MICU2: variants seen among roughly 807,000 people sequenced by gnomAD.
The protein encoded by MICU2 is mitochondrial calcium uptake 2.
Under a neutral mutation model 60.4 loss-of-function variants are expected in MICU2, and 64 were observed. The ratio of observed to expected loss-of-function variants is 1.06; its 90% CI spans 0.87 to 1.31. MICU2 has a LOEUF of 1.31. Among genes scored for constraint, MICU2 ranks in the 50% most tolerant of loss-of-function variants. MICU2 has a pLI of 0.00. For missense variants in MICU2, 569 were observed against 531.0 expected, an observed-to-expected ratio of 1.07 and a Z score of -0.70; for synonymous variants, 201 against 175.0, an observed-to-expected ratio of 1.15 and a Z score of -1.17.
At chr13:21,495,583 T>C in intron 10 of MICU2, 1 of 329,372 alleles carries the variant, frequency 3.0e-6, no homozygotes, top group Non-Finnish European at 5.5e-6. Context: ...TCGCCCAGGC[T>C]GGAGTGCAAT....
rs1230063387 is a variant in MICU2, at chr13:21,603,772, C to G, written c.210+167G>C. 6 of 727,916 alleles carry G rather than the reference C, an allele frequency of 8.2e-6. No homozygotes were observed. The South Asian group carries it at 1.2e-4, about 14-fold the overall frequency. 45.1% of individuals were successfully genotyped at this position (727,916 alleles called of 1,614,324 possible). A position where few individuals can be genotyped will look rare whatever the true frequency, so the allele number is the denominator to read the frequency against. The stretch of plus-strand genomic sequence containing the variant: ...GCCCTCGGGGACTCAGGCCGGGGGC[C>G]GGTCCAGGAAGGAGCGAGTCCCACC... On this transcript the variant is annotated intron_variant, in intron 1 of 11. Transcript: ENST00000382374.
chr13:21,593,594 A>C (rs1003605223), intron 1 of MICU2, among the ~76,000 whole-genome samples: 2 of 150,404 alleles, frequency 1.3e-5, no homozygotes, highest in African/African-American at 4.9e-5. Context: ...AAAAAAAAAA[A>C]CAAAGCTGGA....
At chr13:21,577,185 G>T (rs1593353396) in intron 1 of MICU2, among the ~76,000 whole-genome samples, 1 of 152,186 alleles carries the variant, frequency 6.6e-6, no homozygotes, top group East Asian at 1.9e-4. Context: ...AAACAGATTT[G>T]ACTTGCTGGG....
Position 21,496,040 on chromosome 13 carries a change from C to G in MICU2, c.1042+12G>C, listed in dbSNP as rs778889326. 1 of 1,584,286 alleles carries G rather than the reference C, an allele frequency of 6.3e-7. No individual in the cohort carries two copies. Among genetic ancestry groups the G allele is most frequent in the South Asian group, 1.1e-5 (1 of 87,498 alleles). On this transcript the variant is annotated intron_variant, in intron 10 of 11. Coordinates refer to ENST00000382374, the MANE Select transcript of MICU2 (RefSeq NM_152726.3). The stretch of plus-strand genomic sequence containing the variant: ...AGATGATAAAAATTAAATGGTTTTT[C>G]ATATAACTTACCTAGTCTGACAGGA...
At chr13:21,512,152 T>C (rs1886445324) in intron 7 of MICU2, among the ~76,000 whole-genome samples, 1 of 152,220 alleles carries the variant, frequency 6.6e-6, no homozygotes, top group Non-Finnish European at 1.5e-5. Flanking sequence ...TTTTTAGTCA[T>C]TTGGGTGGCT....
intron 1 of MICU2, among the ~76,000 whole-genome samples, chr13:21,592,869 A>G (rs1359648928): frequency 6.6e-6 from 1 of 152,210 alleles, no homozygotes; most frequent in Non-Finnish European, 1.5e-5. Flanking sequence ...ACATATCTCA[A>G]AATAATAAGA....
intron 2 of MICU2, among the ~76,000 whole-genome samples, chr13:21,564,386 C>T (rs1313104777): frequency 4.6e-5 from 7 of 152,092 alleles, no homozygotes; most frequent in Admixed American, 1.3e-4. Context: ...TCTTCTCCCC[C>T]GTTGTCTTTT....
At chr13:21,597,861 G>A (rs1327378392) in intron 1 of MICU2, among the ~76,000 whole-genome samples, 1 of 148,426 alleles carries the variant, frequency 6.7e-6, no homozygotes, top group African/African-American at 2.5e-5. Flanking sequence ...AACCCAGGAG[G>A]TGGAGCTTGA....
chr13:21,562,598 T>C (rs376717381), intron 2 of MICU2, among the ~76,000 whole-genome samples: 8 of 152,202 alleles, frequency 5.3e-5, no homozygotes, highest in African/African-American at 1.9e-4. Flanking sequence ...TTGCAACTAA[T>C]CTAAGTCCAC....
At chr13:21,587,640 G>A (rs566573896) in intron 1 of MICU2, among the ~76,000 whole-genome samples, 50 of 152,320 alleles carry the variant, frequency 3.3e-4, no homozygotes, top group Middle Eastern at 3.4e-3. Context: ...CGGAGGAAAA[G>A]CATGCTGATT....
intron 1 of MICU2, among the ~76,000 whole-genome samples, chr13:21,598,623 A>G (rs1001669712): frequency 4.6e-5 from 7 of 152,082 alleles, no homozygotes; most frequent in African/African-American, 1.7e-4. Flanking sequence ...GGCTGAGACC[A>G]GAGAATTGCT....
chr13:21,588,193 G>A (rs1350577967), intron 1 of MICU2, among the ~76,000 whole-genome samples: 2 of 152,176 alleles, frequency 1.3e-5, no homozygotes, highest in Admixed American at 6.5e-5. Context: ...GATCATAGAA[G>A]TTAAAGACTT....
At chr13:21,556,401 G>C (rs1456940329) in intron 2 of MICU2, among the ~76,000 whole-genome samples, 1 of 152,010 alleles carries the variant, frequency 6.6e-6, no homozygotes, top group Non-Finnish European at 1.5e-5. Context: ...CCAAATGTTG[G>C]AATAACTCAC....
At chr13:21,589,110 A>G (rs1888518231) in intron 1 of MICU2, among the ~76,000 whole-genome samples, 1 of 152,212 alleles carries the variant, frequency 6.6e-6, no homozygotes, top group Non-Finnish European at 1.5e-5. Flanking sequence ...TCAATGTTGC[A>G]CCTTCATCCT....
intron 1 of MICU2, among the ~76,000 whole-genome samples, chr13:21,576,473 A>G (rs554830415): frequency 1.3e-5 from 2 of 152,336 alleles, no homozygotes; most frequent in Non-Finnish European, 2.9e-5. Flanking sequence ...ATTATATCCT[A>G]TAATATATGA....
At chr13:21,597,697 C>T (rs969438066) in intron 1 of MICU2, among the ~76,000 whole-genome samples, 7 of 151,824 alleles carry the variant, frequency 4.6e-5, no homozygotes, top group East Asian at 3.9e-4. Flanking sequence ...TTTGGGAGGC[C>T]GAGGCGGGTG....
At chr13:21,550,620 A>G (rs1428552533) in intron 2 of MICU2, among the ~76,000 whole-genome samples, 1 of 152,196 alleles carries the variant, frequency 6.6e-6, no homozygotes. Flanking sequence ...AAAACGTTTA[A>G]AAGCTAGATA....
chr13:21,587,784 GA>G (rs1888491157), intron 1 of MICU2, among the ~76,000 whole-genome samples: 1 of 152,218 alleles, frequency 6.6e-6, no homozygotes, highest in Admixed American at 6.5e-5. Context: ...TTAGTAAAAT[GA>G]TGAATAAAAG....
At chr13:21,552,694 C>T (rs1887602776) in intron 2 of MICU2, among the ~76,000 whole-genome samples, 1 of 152,148 alleles carries the variant, frequency 6.6e-6, no homozygotes, top group African/African-American at 2.4e-5. Context: ...GGAATCTTCT[C>T]CCCATTGCTT....
Sources: gnomAD v4.1 joint callset for allele counts (sites outside exome capture counted in the v4.1 genomes callset) on GRCh38, gnomAD v4.1.1 for gene constraint, MANE v1.5 for transcripts, NCBI Gene and HGNC (gene_info 2026-07-23, HGNC 2026-07-21) for gene names.